The following SLC71A2 variants were observed in gnomAD, a reference collection of about 807,000 sequenced individuals.
SLC71A2 encodes the protein hippocampus abundant transcript-like 1.
the SLC71A2 span, among the ~76,000 whole-genome samples, chr9:94,404,822 T>C: frequency 2.0e-5 from 3 of 152,226 alleles, no homozygotes; most frequent in Non-Finnish European, 4.4e-5. Flanking sequence ...TCCTTTGATA[T>C]ATGAAGGTTT....
chr9:94,400,509 G>GAA, the SLC71A2 span, among the ~76,000 whole-genome samples: 158 of 130,104 alleles, frequency 1.2e-3, 1 homozygote, highest in Non-Finnish European at 1.3e-3. Flanking sequence ...AGTCTTAAAG[G>GAA]AAAAAAAAAA....
chr9:94,458,462 C>T, the SLC71A2 span: 3 of 1,613,428 alleles, frequency 1.9e-6, no homozygotes, highest in Non-Finnish European at 2.5e-6. Context: ...CGTTCCCCTG[C>T]AGGTAATTTG....
chr9:94,400,519 A>C, the SLC71A2 span, among the ~76,000 whole-genome samples: 10 of 150,852 alleles, frequency 6.6e-5, no homozygotes, highest in Non-Finnish European at 1.2e-4. Flanking sequence ...GAAAAAAAAA[A>C]AACAACTGAT....
chr9:94,426,093 A>G, the SLC71A2 span, among the ~76,000 whole-genome samples: 2 of 148,150 alleles, frequency 1.3e-5, no homozygotes, highest in African/African-American at 2.5e-5. Flanking sequence ...GCTCTGTGAA[A>G]GTGTGGATAT....
chr9:94,437,666 G>A, the SLC71A2 span, among the ~76,000 whole-genome samples: 1 of 148,366 alleles, frequency 6.7e-6, no homozygotes, highest in Non-Finnish European at 1.5e-5. Flanking sequence ...CCTGGGGATA[G>A]TATATGGTGT....
chr9:94,453,161 T>G, the SLC71A2 span, among the ~76,000 whole-genome samples: 1 of 151,060 alleles, frequency 6.6e-6, no homozygotes, highest in Non-Finnish European at 1.5e-5. Context: ...TTTTTTTTTT[T>G]TTTTTTGACA....
the SLC71A2 span, among the ~76,000 whole-genome samples, chr9:94,383,726 T>C: frequency 6.6e-6 from 1 of 152,140 alleles, no homozygotes; most frequent in Non-Finnish European, 1.5e-5. Context: ...TCTTTTGCCG[T>C]GAAGATCTGT....
chr9:94,453,866 TG>T, the SLC71A2 span: 1 of 839,510 alleles, frequency 1.2e-6, no homozygotes, highest in Non-Finnish European at 2.0e-6. Context: ...TAGAGGTCTC[TG>T]GTCATCAGGG....
At chr9:94,428,150 A>G in the SLC71A2 span, among the ~76,000 whole-genome samples, 1 of 151,556 alleles carries the variant, frequency 6.6e-6, no homozygotes, top group Non-Finnish European at 1.5e-5. Flanking sequence ...ACATGATCCG[A>G]TAAGCATTTT....
At chr9:94,392,546 G>A in the SLC71A2 span, among the ~76,000 whole-genome samples, 1 of 152,002 alleles carries the variant, frequency 6.6e-6, no homozygotes, top group Non-Finnish European at 1.5e-5. Flanking sequence ...CTGTTGCCAG[G>A]CTGGAGTGCA....
chr9:94,430,679 T>G, the SLC71A2 span, among the ~76,000 whole-genome samples: 4 of 152,082 alleles, frequency 2.6e-5, no homozygotes, highest in African/African-American at 9.7e-5. Context: ...TGAATCCAGT[T>G]TTTTGAAATA....
At chr9:94,455,640 A>G in the SLC71A2 span, among the ~76,000 whole-genome samples, 1 of 152,168 alleles carries the variant, frequency 6.6e-6, no homozygotes, top group African/African-American at 2.4e-5. Context: ...CTTTGTCATC[A>G]TGTGAGGTTT....
At chr9:94,404,400 GTTC>G in the SLC71A2 span, among the ~76,000 whole-genome samples, 1 of 152,100 alleles carries the variant, frequency 6.6e-6, no homozygotes, top group South Asian at 2.1e-4. Flanking sequence ...GATTCAAGCA[GTTC>G]TTCTGCTTCA....
At chr9:94,459,436 C>T in the SLC71A2 span, 32 of 1,610,848 alleles carry the variant, frequency 2.0e-5, no homozygotes, top group Non-Finnish European at 2.0e-5. Flanking sequence ...TGGGATTCTG[C>T]ATACGCCATC....
chr9:94,395,839 A>T, the SLC71A2 span, among the ~76,000 whole-genome samples: 1 of 152,330 alleles, frequency 6.6e-6, no homozygotes, highest in East Asian at 1.9e-4. Flanking sequence ...GACCATGGTC[A>T]GCTTAAGCAT....
At chr9:94,438,293 T>C in the SLC71A2 span, 4 of 1,341,286 alleles carry the variant, frequency 3.0e-6, no homozygotes, top group Admixed American at 4.2e-5. Flanking sequence ...ATTATTCTGT[T>C]TTGGGGGCAG....
At chr9:94,424,271 A>G in the SLC71A2 span, among the ~76,000 whole-genome samples, 3 of 151,518 alleles carry the variant, frequency 2.0e-5, no homozygotes, top group Non-Finnish European at 2.9e-5. Flanking sequence ...GTCTCACTCT[A>G]TCACCCAGGC....
chr9:94,387,744 C>G, the SLC71A2 span, among the ~76,000 whole-genome samples: 2 of 152,266 alleles, frequency 1.3e-5, no homozygotes, highest in Admixed American at 1.3e-4. Context: ...GAAGAAGACT[C>G]CTGAGTTGTC....
At chr9:94,438,352 T>C in the SLC71A2 span, 146 of 1,613,692 alleles carry the variant, frequency 9.0e-5, no homozygotes, top group Admixed American at 1.5e-4. Flanking sequence ...TTACAGGTAA[T>C]TGAGGGATCA....
Sources: allele counts gnomAD v4.1 joint callset (sites outside exome capture counted in the v4.1 genomes callset), GRCh38; gene constraint gnomAD v4.1.1; transcripts MANE v1.5; gene names NCBI Gene and HGNC (gene_info 2026-07-23, HGNC 2026-07-21).